DNER: variants seen among roughly 807,000 people sequenced by gnomAD.
DNER encodes delta/notch like EGF repeat containing.
In DNER, 33 loss-of-function variants were observed where a neutral mutation model predicts 78.2. The observed-to-expected ratio is 0.42, with a 90% CI of 0.32 to 0.56. The LOEUF is 0.56. DNER is among the 20% of genes least tolerant of loss of function. The pLI, the probability that DNER is intolerant of heterozygous loss-of-function variation, is 0.11. For synonymous variants in DNER, 417 were observed against 384.8 expected (o/e 1.08, Z -0.98); for missense variants, 918 against 975.3 (o/e 0.94, Z 0.78).
chr2:229,427,859 G>A (rs1235739539), intron 8 of DNER, among the ~76,000 whole-genome samples: 1 of 152,006 alleles, frequency 6.6e-6, no homozygotes, highest in East Asian at 1.9e-4. Context: ...GGCAGATCAC[G>A]AGGTCAGGAG....
intron 4 of DNER, among the ~76,000 whole-genome samples, chr2:229,566,081 G>T (rs1697100943): frequency 6.6e-6 from 1 of 152,150 alleles, no homozygotes; most frequent in Non-Finnish European, 1.5e-5. Context: ...GTGTTGATGT[G>T]AGGGGCAATG....
At chr2:229,472,069 G>A (rs6760197) in intron 7 of DNER, among the ~76,000 whole-genome samples, 54,939 of 152,068 alleles carry the variant, frequency 0.36, 11,709 homozygotes, top group African/African-American at 0.6. Flanking sequence ...TATAGGACTG[G>A]AAGATGTGAG....
At chr2:229,711,071 A>G (rs1402461276) in intron 1 of DNER, among the ~76,000 whole-genome samples, 1 of 151,532 alleles carries the variant, frequency 6.6e-6, no homozygotes, top group Non-Finnish European at 1.5e-5. Context: ...TGGGGAGAGC[A>G]GGCAGCTCCC....
intron 1 of DNER, among the ~76,000 whole-genome samples, chr2:229,670,229 T>C (rs1169518917): frequency 6.6e-6 from 1 of 152,192 alleles, no homozygotes; most frequent in Admixed American, 6.5e-5. Context: ...GAGCCACACA[T>C]TCATAGTGGG....
chr2:229,662,858 G>A (rs1478845240), intron 1 of DNER, among the ~76,000 whole-genome samples: 1 of 152,210 alleles, frequency 6.6e-6, no homozygotes, highest in African/African-American at 2.4e-5. Flanking sequence ...AGGAAGACCA[G>A]TTCTCACATT....
At chr2:229,615,592 GCCC>G (rs1559183676) in intron 1 of DNER, among the ~76,000 whole-genome samples, 2 of 151,378 alleles carry the variant, frequency 1.3e-5, no homozygotes, top group Non-Finnish European at 2.9e-5. Context: ...GGCACCTGTA[GCCC>G]CAGCTACTCG....
chr2:229,369,967 G>C (rs1364149644), intron 11 of DNER, among the ~76,000 whole-genome samples: 1 of 152,084 alleles, frequency 6.6e-6, no homozygotes, highest in Admixed American at 6.6e-5. Flanking sequence ...AGAATTCCAA[G>C]TGCCTGCAAA....
Position 229,489,504 on chromosome 2 carries a change from G to T in DNER, c.1148-12251C>A, listed in dbSNP as rs186717830. Among the ~76,000 whole-genome samples, 3 of 151,538 alleles carry T rather than the reference G, an allele frequency of 2.0e-5. No individual in the cohort carries two copies. In the South Asian group the frequency reaches 6.3e-4, roughly 32 times the overall value. On this transcript the variant is annotated intron_variant, in intron 6 of 12. Transcript: ENST00000341772. ...ACATGACTGGGTGGGTGTGGGGGGC[G>T]CGGACAGAGGGAAGGAAGGTGGTGA...
At chr2:229,573,921 G>A (rs1207269198) in intron 4 of DNER, among the ~76,000 whole-genome samples, 2 of 152,154 alleles carry the variant, frequency 1.3e-5, no homozygotes, top group African/African-American at 4.8e-5. Context: ...ATGCAATATT[G>A]TGATGAAACC....
chr2:229,705,707 C>T (rs1333948402), intron 1 of DNER, among the ~76,000 whole-genome samples: 3 of 152,182 alleles, frequency 2.0e-5, no homozygotes, highest in Non-Finnish European at 4.4e-5. Context: ...GATGGGGACT[C>T]ATATTCACTT....
At chr2:229,544,505 T>C (rs1487417943) in intron 5 of DNER, among the ~76,000 whole-genome samples, 1 of 151,300 alleles carries the variant, frequency 6.6e-6, no homozygotes, top group Non-Finnish European at 1.5e-5. Flanking sequence ...ATCTATTTAT[T>C]AATTTTTATT....
At chr2:229,586,166 G>C (rs563064326) in intron 3 of DNER, 142 bp from the exon 4 acceptor site, 1 of 1,021,750 alleles carries the variant, frequency 9.8e-7, no homozygotes. Context: ...ACAGATACGC[G>C]GGCGTCCACT....
chr2:229,460,309 C>A (rs1413457409), intron 7 of DNER, among the ~76,000 whole-genome samples: 1 of 151,468 alleles, frequency 6.6e-6, no homozygotes, highest in Non-Finnish European at 1.5e-5. Context: ...AAGAGAAAAT[C>A]ATAAATGTTT....
intron 8 of DNER, among the ~76,000 whole-genome samples, chr2:229,433,785 T>C (rs969152161): frequency 1.3e-5 from 2 of 152,162 alleles, no homozygotes; most frequent in African/African-American, 4.8e-5. Flanking sequence ...AATATTATAG[T>C]TTTGTAAAGA....
chr2:229,369,917 C>G lies in DNER; in HGVS notation c.1856-2798G>C, dbSNP rs76532341. 8.3e-3 allele frequency among the ~76,000 whole-genome samples: 1,265 copies of G among 152,248 alleles called. 57 individuals are homozygous for G. Among genetic ancestry groups the G allele is most frequent in the Admixed American group, 0.063 (966 of 15,300 alleles). On this transcript the variant is annotated intron_variant, in intron 11 of 12. Transcript: ENST00000341772. The stretch of plus-strand genomic sequence containing the variant: ...TACTCACACCACCACCACCACCATT[C>G]CACACTTCCCCACCCACACCAGGAC...
chr2:229,528,846 C>A (rs1020386418), intron 5 of DNER, among the ~76,000 whole-genome samples: 5 of 152,112 alleles, frequency 3.3e-5, no homozygotes, highest in Admixed American at 1.3e-4. Flanking sequence ...GAGATTGTGT[C>A]GCTTAATTCC....
intron 1 of DNER, among the ~76,000 whole-genome samples, chr2:229,604,719 T>G (rs1697900573): frequency 6.6e-6 from 1 of 152,176 alleles, no homozygotes; most frequent in Admixed American, 6.5e-5. Context: ...CTGCTCTAAT[T>G]TTAATACCCA....
chr2:229,637,677 AT>A (rs1181779183), intron 1 of DNER, among the ~76,000 whole-genome samples: 1 of 152,170 alleles, frequency 6.6e-6, no homozygotes, highest in Non-Finnish European at 1.5e-5. Flanking sequence ...AATCAGCTGT[AT>A]GGGGCATATT....
chr2:229,622,089 A>AAAAC (rs1011499826), intron 1 of DNER, among the ~76,000 whole-genome samples: 1 of 152,210 alleles, frequency 6.6e-6, no homozygotes, highest in African/African-American at 2.4e-5. Flanking sequence ...CCGTCTCAAA[A>AAAAC]AAACAAACAA....
Sources: gnomAD v4.1 joint callset for allele counts (sites outside exome capture counted in the v4.1 genomes callset) on GRCh38, gnomAD v4.1.1 for gene constraint, MANE v1.5 for transcripts, NCBI Gene and HGNC (gene_info 2026-07-23, HGNC 2026-07-21) for gene names.